Variants in OLFM3 observed in about 807,000 individuals in gnomAD.
OLFM3 encodes the protein olfactomedin 3, also known as noelin-3.
Under a neutral mutation model 48.6 loss-of-function variants are expected in OLFM3, and 20 were observed. That is an observed-to-expected ratio of 0.41 (90% confidence interval 0.29 to 0.60). OLFM3 has a LOEUF of 0.60. Ranked by LOEUF, OLFM3 falls within the 20% of genes least tolerant of loss-of-function variation. OLFM3 has a pLI of 0.28. For missense variants in OLFM3, 437 were observed against 544.3 expected (o/e 0.80, Z 1.96); for synonymous variants, 222 against 198.1 (o/e 1.12, Z -1.01).
At chr1:101,923,956 T>A (rs964657504) in intron 1 of OLFM3, among the ~76,000 whole-genome samples, 1 of 152,194 alleles carries the variant, frequency 6.6e-6, no homozygotes, top group African/African-American at 2.4e-5. Context: ...TTGAGGTTAA[T>A]GTATTGAGGA....
At chr1:101,820,964 T>C (rs932504146) in intron 4 of OLFM3, among the ~76,000 whole-genome samples, 2 of 152,046 alleles carry the variant, frequency 1.3e-5, no homozygotes, top group Non-Finnish European at 2.9e-5. Flanking sequence ...TGTTACTATA[T>C]TGCTGATTCT....
At chr1:101,887,197 C>CA (rs1013219546) in intron 1 of OLFM3, among the ~76,000 whole-genome samples, 2 of 149,734 alleles carry the variant, frequency 1.3e-5, no homozygotes, top group African/African-American at 4.9e-5. Flanking sequence ...AGCCATGAAT[C>CA]AAAAAATTTA....
intron 1 of OLFM3, among the ~76,000 whole-genome samples, chr1:101,941,933 C>G (rs1659808618): frequency 1.3e-5 from 2 of 152,302 alleles, no homozygotes; most frequent in Admixed American, 6.5e-5. Context: ...CTACAAACCT[C>G]ATTTATTCAT....
At chr1:101,898,511 G>A (rs111859182) in intron 1 of OLFM3, among the ~76,000 whole-genome samples, 266 of 152,136 alleles carry the variant, frequency 1.7e-3, no homozygotes, top group African/African-American at 5.8e-3. Context: ...AGCAGTTTGG[G>A]GAACTAATTT....
At chr1:101,820,341 G>A (rs1425066778) in intron 4 of OLFM3, among the ~76,000 whole-genome samples, 2 of 151,988 alleles carry the variant, frequency 1.3e-5, no homozygotes, top group Admixed American at 6.6e-5. Flanking sequence ...CTGGAAAGCT[G>A]GAAAGCCTTA....
chr1:101,807,730 G>C (rs1382021032), intron 4 of OLFM3, among the ~76,000 whole-genome samples: 1 of 151,658 alleles, frequency 6.6e-6, no homozygotes, highest in Admixed American at 6.6e-5. Context: ...TTTTGTAAAA[G>C]AAATCAAATG....
intron 1 of OLFM3, among the ~76,000 whole-genome samples, chr1:101,945,408 G>A (rs2101064220): frequency 6.6e-6 from 1 of 152,252 alleles, no homozygotes; most frequent in East Asian, 1.9e-4. Flanking sequence ...GACATAAAGA[G>A]TATATATGGT....
chr1:101,810,255 T>C (rs1037508393), intron 4 of OLFM3, among the ~76,000 whole-genome samples: 1 of 151,684 alleles, frequency 6.6e-6, no homozygotes, highest in African/African-American at 2.4e-5. Flanking sequence ...GAAAGCAGAG[T>C]TGGAGAAGTT....
At chr1:101,934,523 G>A (rs1372502636) in intron 1 of OLFM3, among the ~76,000 whole-genome samples, 1 of 151,966 alleles carries the variant, frequency 6.6e-6, no homozygotes, top group Admixed American at 6.6e-5. Context: ...CATAACAGTG[G>A]GAAATTTAAA....
At chr1:101,962,231 A>G (rs1412030205) in intron 1 of OLFM3, among the ~76,000 whole-genome samples, 1 of 152,156 alleles carries the variant, frequency 6.6e-6, no homozygotes, top group Non-Finnish European at 1.5e-5. Context: ...AATTCAATGC[A>G]ATAAACCTGT....
intron 1 of OLFM3, among the ~76,000 whole-genome samples, chr1:101,849,994 C>T (rs1177117140): frequency 6.6e-6 from 1 of 152,150 alleles, no homozygotes; most frequent in Admixed American, 6.5e-5. Context: ...GCTGCAACAA[C>T]TTAATGGACT....
intron 1 of OLFM3, among the ~76,000 whole-genome samples, chr1:101,850,737 A>T (rs6695052): frequency 2.0e-5 from 3 of 152,134 alleles, no homozygotes; most frequent in South Asian, 4.1e-4. Context: ...AAATGAGAAG[A>T]GACTTAGATT....
chr1:101,928,867 C>G (rs989979990), intron 1 of OLFM3, among the ~76,000 whole-genome samples: 1 of 152,090 alleles, frequency 6.6e-6, no homozygotes, highest in Non-Finnish European at 1.5e-5. Context: ...ATTAAAATGA[C>G]TTGCCTGAGA....
At chr1:101,925,783 GC>G (rs1340539878) in intron 1 of OLFM3, among the ~76,000 whole-genome samples, 2 of 151,844 alleles carry the variant, frequency 1.3e-5, no homozygotes, top group Non-Finnish European at 2.9e-5. Flanking sequence ...TCCTGTCTCA[GC>G]CCCACAAAGT....
intron 3 of OLFM3, among the ~76,000 whole-genome samples, chr1:101,826,294 G>A (rs1654862685): frequency 6.6e-6 from 1 of 151,944 alleles, no homozygotes; most frequent in African/African-American, 2.4e-5. Flanking sequence ...TAACTTCATA[G>A]TAGTGAAAAT....
chr1:101,970,065 G>T (rs551516029), intron 1 of OLFM3, among the ~76,000 whole-genome samples: 2 of 151,892 alleles, frequency 1.3e-5, no homozygotes, highest in South Asian at 4.2e-4. Context: ...GCCCAGGCTG[G>T]AGTGCAGTGG....
At position 101,826,129 on chromosome 1, in the gene OLFM3, A is replaced by AACACACACAC. The variant is rs66617960; in HGVS notation, c.373-894_373-885dup. Among the ~76,000 whole-genome samples the AACACACACAC allele has an allele frequency of 4.0e-3, 530 of 133,062 alleles. 6 individuals carry two copies. Among genetic ancestry groups the AACACACACAC allele is most frequent in the African/African-American group, 0.014 (491 of 34,504 alleles). 87.3% of individuals were successfully genotyped at this position (133,062 alleles called of 152,430 possible). On this transcript the variant is annotated intron_variant, in intron 3 of 5. Coordinates refer to ENST00000370103, the MANE Select transcript of OLFM3 (RefSeq NM_058170.4). ...GAAACTGAAGCATTGACTTTCGTCA[A>AACACACACAC]ACACACACACACACACACACACACA...
At chr1:101,829,949 C>T (rs1414136668) in intron 3 of OLFM3, among the ~76,000 whole-genome samples, 2 of 152,124 alleles carry the variant, frequency 1.3e-5, no homozygotes, top group African/African-American at 4.8e-5. Flanking sequence ...ATCCTCCTGC[C>T]TCAGCCTCCC....
intron 1 of OLFM3, among the ~76,000 whole-genome samples, chr1:101,932,859 C>T (rs1659485481): frequency 1.3e-5 from 2 of 151,992 alleles, no homozygotes; most frequent in African/African-American, 4.8e-5. Flanking sequence ...AGATCATCAA[C>T]ATTCAAGGGA....
Sources: gnomAD v4.1 joint callset for allele counts (sites outside exome capture counted in the v4.1 genomes callset) on GRCh38, gnomAD v4.1.1 for gene constraint, MANE v1.5 for transcripts, NCBI Gene and HGNC (gene_info 2026-07-23, HGNC 2026-07-21) for gene names.